MYRIP: variants seen among roughly 807,000 people sequenced by gnomAD.
MYRIP encodes the protein myosin VIIA and Rab interacting protein.
In MYRIP, 49 loss-of-function variants were observed where a neutral mutation model predicts 98.0. The ratio of observed to expected loss-of-function variants is 0.50; its 90% CI spans 0.40 to 0.63. The LOEUF (loss-of-function observed/expected upper bound fraction) is 0.63. Ranked by LOEUF, MYRIP falls within the 30% of genes least tolerant of loss-of-function variation. The pLI is 0.00. For synonymous variants in MYRIP, 404 were observed against 409.5 expected, an observed-to-expected ratio of 0.99 and a Z score of 0.16; for missense variants, 1,004 against 1,058.2, an observed-to-expected ratio of 0.95 and a Z score of 0.71.
At chr3:40,189,315 T>C (rs966111360) in intron 9 of MYRIP, among the ~76,000 whole-genome samples, 4 of 152,226 alleles carry the variant, frequency 2.6e-5, no homozygotes, top group Admixed American at 2.6e-4. Context: ...TGTGCCTATC[T>C]CAGGAGCCTA....
chr3:40,114,085 A>G lies in MYRIP; in HGVS notation c.333-36963A>G, dbSNP rs546160887. On this transcript the variant is annotated intron_variant, in intron 3 of 16. Coordinates refer to ENST00000302541, the MANE Select transcript of MYRIP (RefSeq NM_015460.4). ...AGGAAAAAATAATAATCATTTTGAC[A>G]CCATAAAACATAATTTTCTGCAACA... Among the ~76,000 whole-genome samples the G allele has an allele frequency of 2.0e-5, 3 of 152,358 alleles. No homozygotes were observed. The South Asian group carries it at 6.2e-4, about 32-fold the overall frequency.
chr3:40,104,601 GTGTCAACATTCTC>G (rs979077677), intron 3 of MYRIP, among the ~76,000 whole-genome samples: 14 of 152,266 alleles, frequency 9.2e-5, no homozygotes, highest in African/African-American at 2.9e-4. Context: ...TGTATTTTCA[GTGTCAACATTCTC>G]TGTCAACATT....
chr3:39,904,858 T>C (rs1422007634), intron 2 of MYRIP, among the ~76,000 whole-genome samples: 1 of 152,146 alleles, frequency 6.6e-6, no homozygotes, highest in East Asian at 1.9e-4. Flanking sequence ...ATGTGATGCA[T>C]TGAATTTTTA....
chr3:40,056,218 A>G (rs979550172), intron 3 of MYRIP, among the ~76,000 whole-genome samples: 2 of 152,186 alleles, frequency 1.3e-5, no homozygotes, highest in Non-Finnish European at 2.9e-5. Context: ...GCAAGGGGAT[A>G]CTTCCCTTGC....
intron 2 of MYRIP, among the ~76,000 whole-genome samples, chr3:39,971,128 G>C (rs1259000453): frequency 6.6e-6 from 1 of 152,080 alleles, no homozygotes. Context: ...CAACTTGTGG[G>C]AAGGCAAATA....
intron 3 of MYRIP, among the ~76,000 whole-genome samples, chr3:40,072,581 T>G (rs1213056786): frequency 6.6e-6 from 1 of 152,242 alleles, no homozygotes; most frequent in Non-Finnish European, 1.5e-5. Flanking sequence ...ATATTTTTAT[T>G]GTCACTCAAT....
intron 2 of MYRIP, among the ~76,000 whole-genome samples, chr3:39,998,845 A>C (rs563821771): frequency 6.6e-6 from 1 of 152,312 alleles, no homozygotes; most frequent in African/African-American, 2.4e-5. Flanking sequence ...GACCAATGGA[A>C]CACAACGGAG....
intron 2 of MYRIP, among the ~76,000 whole-genome samples, chr3:39,996,491 A>T (rs1946359644): frequency 6.6e-6 from 1 of 152,200 alleles, no homozygotes; most frequent in Non-Finnish European, 1.5e-5. Flanking sequence ...AAGTGTCCTA[A>T]ATATATATGC....
At chr3:40,088,287 A>G (rs1174181448) in intron 3 of MYRIP, among the ~76,000 whole-genome samples, 2 of 152,084 alleles carry the variant, frequency 1.3e-5, no homozygotes, top group Admixed American at 1.3e-4. Context: ...GTTCTTGGGA[A>G]CCTGCACTCC....
chr3:40,097,090 C>G (rs1480903418), intron 3 of MYRIP, among the ~76,000 whole-genome samples: 1 of 152,192 alleles, frequency 6.6e-6, no homozygotes. Flanking sequence ...ATAAAACCAA[C>G]CACGACCAAA....
intron 2 of MYRIP, among the ~76,000 whole-genome samples, chr3:39,934,756 G>A (rs979495075): frequency 3.9e-5 from 6 of 152,146 alleles, no homozygotes; most frequent in African/African-American, 9.7e-5. Context: ...AGTATACAGC[G>A]AGGCATCCTG....
chr3:40,255,746 T>C (rs35247990), intron 16 of MYRIP, among the ~76,000 whole-genome samples: 6,275 of 152,270 alleles, frequency 0.041, 138 homozygotes, highest in South Asian at 0.057. Flanking sequence ...AAAACTCCCT[T>C]ATCAGCCTTT....
At chr3:40,119,452 A>G (rs1949352003) in intron 3 of MYRIP, among the ~76,000 whole-genome samples, 3 of 152,142 alleles carry the variant, frequency 2.0e-5, no homozygotes, top group Non-Finnish European at 4.4e-5. Flanking sequence ...ATTTTTTAGT[A>G]TTTTCTTATG....
chr3:40,162,929 CTG>C, intron 5 of MYRIP, 119 bp downstream of exon 5: 1 of 869,264 alleles, frequency 1.2e-6, no homozygotes, highest in Non-Finnish European at 1.9e-6. Context: ...CTATCTACTA[CTG>C]TGTGTGAGTC....
chr3:39,878,080 C>T (rs1943052481), intron 1 of MYRIP, among the ~76,000 whole-genome samples: 1 of 152,252 alleles, frequency 6.6e-6, no homozygotes, highest in Non-Finnish European at 1.5e-5. Flanking sequence ...TCGCTGCCAC[C>T]TTGCAGTTTG....
intron 16 of MYRIP, among the ~76,000 whole-genome samples, chr3:40,253,826 C>T (rs1953477612): frequency 6.6e-6 from 1 of 152,154 alleles, no homozygotes; most frequent in Non-Finnish European, 1.5e-5. Context: ...CTATATACCT[C>T]TTTAATATGT....
intron 3 of MYRIP, among the ~76,000 whole-genome samples, chr3:40,113,790 C>T (rs1477891019): frequency 9.2e-5 from 14 of 151,976 alleles, no homozygotes; most frequent in Admixed American, 3.3e-4. Flanking sequence ...CCCGGGTTCA[C>T]GCTATTCTCC....
At chr3:40,201,459 T>C (rs577867999) in intron 10 of MYRIP, among the ~76,000 whole-genome samples, 45 of 152,230 alleles carry the variant, frequency 3.0e-4, no homozygotes, top group Middle Eastern at 3.4e-3. Flanking sequence ...ATGGAATCTA[T>C]ATACCAAGGC....
intron 13 of MYRIP, among the ~76,000 whole-genome samples, chr3:40,247,423 T>C (rs1453441765): frequency 6.6e-6 from 1 of 152,228 alleles, no homozygotes; most frequent in Admixed American, 6.5e-5. Context: ...GAGCTACTGC[T>C]ACTATCCTCC....
Sources: gnomAD v4.1 joint callset for allele counts (sites outside exome capture counted in the v4.1 genomes callset) on GRCh38, gnomAD v4.1.1 for gene constraint, MANE v1.5 for transcripts, NCBI Gene and HGNC (gene_info 2026-07-23, HGNC 2026-07-21) for gene names.